Variants in PTPRA observed in about 807,000 individuals in gnomAD.
PTPRA encodes the protein receptor-type tyrosine-protein phosphatase alpha.
PTPRA carries 25 observed loss-of-function variants against 104.8 expected under a neutral mutation model. The observed-to-expected ratio is 0.24, with a 90% CI of 0.17 to 0.33. The LOEUF (loss-of-function observed/expected upper bound fraction) is 0.33, where lower values mean the gene tolerates loss of function less well. Among genes scored for constraint, PTPRA ranks in the 10% least tolerant of loss-of-function variants. The pLI, the probability that PTPRA is intolerant of heterozygous loss-of-function variation, is 1.00. For missense variants in PTPRA, 765 were observed against 1,015.3 expected (o/e 0.75, Z 3.35); for synonymous variants, 323 against 368.9 (o/e 0.88, Z 1.43).
At chr20:3,029,462 C>T (rs931200504) in intron 20 of PTPRA, among the ~76,000 whole-genome samples, 1 of 150,104 alleles carries the variant, frequency 6.7e-6, no homozygotes, top group Non-Finnish European at 1.5e-5. Context: ...TTTGATCAGT[C>T]ATTTAACTCA....
intron 6 of PTPRA, among the ~76,000 whole-genome samples, chr20:2,984,827 A>G (rs904320803): frequency 1.3e-5 from 2 of 152,096 alleles, no homozygotes; most frequent in Non-Finnish European, 2.9e-5. Context: ...CTCTTCACCC[A>G]GATCTTTGCG....
chr20:2,938,073 C>T (rs376254801), intron 2 of PTPRA, among the ~76,000 whole-genome samples: 1 of 152,172 alleles, frequency 6.6e-6, no homozygotes, highest in Admixed American at 6.5e-5. Context: ...AATCCCAACA[C>T]TTTGAGAGGC....
chr20:3,037,301 A>G lies in PTPRA; in HGVS notation c.2334+12A>G. Reference sequence around the variant, plus strand: ...TGGTCCAGACACTGGTATGCTGCCCACATATTTGTCCCTGCCACCACACCA... The same window carrying G: ...TGGTCCAGACACTGGTATGCTGCCCGCATATTTGTCCCTGCCACCACACCA... On this transcript the variant is annotated intron_variant, in intron 23 of 23. Coordinates refer to ENST00000399903, the MANE Select transcript of PTPRA (RefSeq NM_001385305.1). The surrounding 1 kb of genome is among the most constrained non-coding windows in gnomAD (Gnocchi z 4.3). 1 of 1,613,390 alleles carries G rather than the reference A, an allele frequency of 6.2e-7. No homozygotes were observed. The highest frequency in any genetic ancestry group is 8.5e-7 in the Non-Finnish European group (1 of 1,179,642).
At chr20:3,021,491 AG>A (rs2064866680) in intron 14 of PTPRA, 63 bp downstream of exon 14, 4 of 1,597,620 alleles carry the variant, frequency 2.5e-6, no homozygotes, top group Non-Finnish European at 1.7e-6. Flanking sequence ...AAGAGGGAAC[AG>A]GCTGGATCAT....
intron 6 of PTPRA, 134 bp from the exon 7 acceptor site, chr20:2,986,631 T>A: frequency 2.6e-6 from 2 of 765,466 alleles, no homozygotes; most frequent in Admixed American, 4.0e-5. Flanking sequence ...CATACTTTCT[T>A]CTCTGTTTCC....
chr20:2,972,513 C>T (rs573937982), intron 5 of PTPRA, among the ~76,000 whole-genome samples: 10 of 152,294 alleles, frequency 6.6e-5, no homozygotes, highest in African/African-American at 1.9e-4. Context: ...CATATTGTAT[C>T]GTTCCTGTAA....
At chr20:2,868,618 C>CTTTTTTTTTTT (rs56081198), upstream of PTPRA, among the ~76,000 whole-genome samples, 1 of 45,212 alleles carries the variant, frequency 2.2e-5, no homozygotes, top group Non-Finnish European at 3.9e-5. Context: ...TCATTCTGGG[C>CTTTTTTTTTTT]TTTTTTTTTT....
At chr20:3,011,610 G>C (rs1241775036) in intron 11 of PTPRA, among the ~76,000 whole-genome samples, 1 of 152,220 alleles carries the variant, frequency 6.6e-6, no homozygotes, top group African/African-American at 2.4e-5. Flanking sequence ...ACAGAGACTA[G>C]AAACAGCAGT....
Position 2,991,424 on chromosome 20 carries a change from A to G in PTPRA, c.738+2950A>G, listed in dbSNP as rs1032807501. Among the ~76,000 whole-genome samples the G allele has an allele frequency of 1.1e-4, 16 of 152,226 alleles. 1 individual carries two copies. Among genetic ancestry groups the G allele is most frequent in the Admixed American group, 8.5e-4 (13 of 15,296 alleles). On this transcript the variant is annotated intron_variant, in intron 9 of 23. Transcript: ENST00000399903. ...AAGACAGCACTCCAGCCTCAGTACC[A>G]TAGCTGGATCTGTGCTAGGCATTGT...
intron 1 of PTPRA, among the ~76,000 whole-genome samples, chr20:2,918,462 T>C (rs2059988538): frequency 6.6e-6 from 1 of 152,222 alleles, no homozygotes; most frequent in Non-Finnish European, 1.5e-5. Context: ...GTAGTAAGCA[T>C]GGGACTTCCT....
At chr20:2,977,149 G>A (rs749292622) in intron 6 of PTPRA, among the ~76,000 whole-genome samples, 5 of 152,062 alleles carry the variant, frequency 3.3e-5, no homozygotes, top group South Asian at 4.2e-4. Flanking sequence ...GGTGGTGTGC[G>A]CCTGTAATCC....
At chr20:2,975,117 C>T (rs2062375497) in intron 5 of PTPRA, 98 bp from the exon 6 acceptor site, 2 of 1,079,222 alleles carry the variant, frequency 1.9e-6, no homozygotes, top group South Asian at 1.6e-5. Context: ...TGGAGGAAAG[C>T]ATTCCTAATC....
At chr20:2,949,568 T>C (rs2061282713) in intron 3 of PTPRA, among the ~76,000 whole-genome samples, 2 of 152,064 alleles carry the variant, frequency 1.3e-5, no homozygotes, top group South Asian at 4.1e-4. Context: ...GCCATTACAG[T>C]GGCATGAGCC....
chr20:2,890,175 G>A (rs1291577931), intron 1 of PTPRA, among the ~76,000 whole-genome samples: 10 of 151,842 alleles, frequency 6.6e-5, no homozygotes, highest in Non-Finnish European at 7.4e-5. Context: ...GGGATTACAG[G>A]CATAAGCCAC....
At chr20:3,011,745 T>G (rs577086362) in intron 11 of PTPRA, among the ~76,000 whole-genome samples, 1 of 152,322 alleles carries the variant, frequency 6.6e-6, no homozygotes, top group South Asian at 2.1e-4. Context: ...TTTCATCCAC[T>G]CTTTTAAGCA....
chr20:2,999,323 C>T (rs552780110), intron 9 of PTPRA, among the ~76,000 whole-genome samples: 3 of 152,200 alleles, frequency 2.0e-5, no homozygotes. Context: ...CAATAAAAAT[C>T]CCAACAGGTT....
rs2148543169 is a variant in PTPRA, at chr20:3,038,094, G to A, written c.2370G>A (p.Glu790=). The A allele has an allele frequency of 6.2e-7, 1 of 1,613,622 alleles. No homozygotes were observed. The change falls in exon 24 of 24, where the codon GAG becomes GAA. Residue 790 remains glutamate (E), a synonymous_variant. Coordinates refer to ENST00000399903, the MANE Select transcript of PTPRA (RefSeq NM_001385305.1). The part of the protein sequence containing the change: ...QYEFCYKVVQ[E]YIDAFSDYAN... Reference sequence around the variant, plus strand: ...AGTTCTGCTACAAGGTGGTGCAGGAGTATATTGATGCATTCTCAGATTATG... The same window carrying A: ...AGTTCTGCTACAAGGTGGTGCAGGAATATATTGATGCATTCTCAGATTATG...
intron 5 of PTPRA, among the ~76,000 whole-genome samples, chr20:2,968,624 C>G (rs1011306165): frequency 6.6e-6 from 1 of 151,648 alleles, no homozygotes; most frequent in African/African-American, 2.4e-5. Flanking sequence ...TAAAAATAAA[C>G]AAAGGCCAGC....
chr20:3,013,419 A>ATT (rs11475407), intron 11 of PTPRA, among the ~76,000 whole-genome samples: 1,632 of 144,874 alleles, frequency 0.011, 29 homozygotes, highest in Middle Eastern at 0.029. Context: ...AATATATAGG[A>ATT]TTTTTTTTTT....
Sources: allele counts gnomAD v4.1 joint callset (sites outside exome capture counted in the v4.1 genomes callset), GRCh38; gene constraint gnomAD v4.1.1; non-coding constraint Gnocchi (gnomAD v3.1); transcripts MANE v1.5; gene names NCBI Gene and HGNC (gene_info 2026-07-23, HGNC 2026-07-21).